Variants in SAP30BP observed in about 807,000 individuals in gnomAD.
SAP30BP encodes SAP30-binding protein.
SAP30BP carries 31 observed loss-of-function variants against 46.3 expected under a neutral mutation model. The ratio of observed to expected loss-of-function variants is 0.67; its 90% CI spans 0.50 to 0.90. SAP30BP has a LOEUF of 0.90. Ranked by LOEUF, SAP30BP falls within the 40% of genes least tolerant of loss-of-function variation. The pLI is 0.00. For missense variants in SAP30BP, 312 were observed against 391.0 expected (o/e 0.80, Z 1.70); for synonymous variants, 169 against 144.2 (o/e 1.17, Z -1.23).
chr17:75,686,465 G>A (rs1007455675), intron 3 of SAP30BP, among the ~76,000 whole-genome samples: 1 of 151,742 alleles, frequency 6.6e-6, no homozygotes, highest in East Asian at 1.9e-4. Context: ...GCAGTGAGCC[G>A]AGATTGCGCC....
Position 75,706,134 on chromosome 17 carries a change from G to T in SAP30BP, c.745+42G>T. 6.3e-7 allele frequency: 1 copy of T among 1,592,766 alleles called. No individual in the cohort carries two copies. On this transcript the variant is annotated intron_variant, in intron 10 of 10. Coordinates refer to ENST00000584667, the MANE Select transcript of SAP30BP (RefSeq NM_013260.8). This position sits in a 1 kb window ranked among gnomAD's most constrained non-coding sequence, Gnocchi z 4.6. ...CCCTGCCTCCTGCCACACACATGGA[G>T]CCAGGGTCTCCCTGGCTTGTTTGGG...
chr17:75,691,841 G>T lies in SAP30BP; in HGVS notation c.265-1599G>T, dbSNP rs1467289586. On this transcript the variant is annotated intron_variant, in intron 3 of 10. Transcript: ENST00000584667. ...ATGTGAGGGCATTTTACAGTCCCATGTATTGTTACTAACACTCTTGAACAC... is the reference window on the plus strand; with the variant it reads ...ATGTGAGGGCATTTTACAGTCCCATTTATTGTTACTAACACTCTTGAACAC... 2.4e-5 allele frequency: 6 copies of T among 247,746 alleles called. No homozygotes were observed. In the Admixed American group the frequency reaches 3.1e-4, roughly 13 times the overall value. The allele number at this position is 247,746 out of a possible 1,614,324, so 15.3% of individuals were successfully genotyped here.
rs756704284 is a variant in SAP30BP at position 75,706,320 on chromosome 17, G to A, written c.746-20G>A. 1.4e-5 allele frequency: 22 copies of A among 1,609,464 alleles called. No individual in the cohort carries two copies. The East Asian group carries it at 4.9e-4, about 36-fold the overall frequency. ...CCGCTCATTGGTGGATCGTGATCCT[G>A]ATTTCTGCTTTATCTCCAGATGCTC... On this transcript the variant is annotated intron_variant, in intron 10 of 10. Coordinates refer to ENST00000584667, the MANE Select transcript of SAP30BP (RefSeq NM_013260.8). This position sits in a 1 kb window ranked among gnomAD's most constrained non-coding sequence, Gnocchi z 4.6.
intron 2 of SAP30BP, 41 bp from the exon 3 acceptor site, chr17:75,671,775 C>G (rs774351699): frequency 6.4e-7 from 1 of 1,555,160 alleles, no homozygotes; most frequent in Non-Finnish European, 8.9e-7. Flanking sequence ...TCCTCAGGCC[C>G]GCTCCTTTAA....
At chr17:75,699,925 G>A (rs149676219) in intron 5 of SAP30BP, 54 bp downstream of exon 5, 30 of 1,338,034 alleles carry the variant, frequency 2.2e-5, no homozygotes, top group Middle Eastern at 1.8e-4. Flanking sequence ...CCTGGGTTAC[G>A]TGTTTGGTTT....
intron 3 of SAP30BP, among the ~76,000 whole-genome samples, chr17:75,682,889 G>C (rs1487898996): frequency 1.3e-5 from 2 of 150,618 alleles, no homozygotes; most frequent in Admixed American, 6.6e-5. Context: ...CTTGAAGCAG[G>C]GAGTCGGAGG....
intron 3 of SAP30BP, among the ~76,000 whole-genome samples, chr17:75,675,161 T>C (rs1437592732): frequency 8.5e-5 from 13 of 152,230 alleles, no homozygotes; most frequent in Non-Finnish European, 1.0e-4. Context: ...TGTTTTGTTT[T>C]GTTTTTGAGT....
chr17:75,705,045 T>C (rs1481824327), intron 9 of SAP30BP: 1 of 515,984 alleles, frequency 1.9e-6, no homozygotes, highest in Non-Finnish European at 3.5e-6. Flanking sequence ...TGCCCCCCTT[T>C]CCTCCCCGCC....
intron 4 of SAP30BP, among the ~76,000 whole-genome samples, chr17:75,698,155 CA>C (rs1253682663): frequency 2.0e-5 from 3 of 152,204 alleles, no homozygotes; most frequent in Non-Finnish European, 4.4e-5. Context: ...CGGGGTGGCC[CA>C]AGGCTGCGGG....
chr17:75,682,036 T>G (rs1443417924), intron 3 of SAP30BP, among the ~76,000 whole-genome samples: 1 of 151,584 alleles, frequency 6.6e-6, no homozygotes, highest in African/African-American at 2.4e-5. Flanking sequence ...AGCTTGGACT[T>G]TTTTTTTAAT....
chr17:75,682,729 C>A (rs2060097171), intron 3 of SAP30BP, among the ~76,000 whole-genome samples: 1 of 151,704 alleles, frequency 6.6e-6, no homozygotes, highest in East Asian at 2.0e-4. Flanking sequence ...TTTGGGAGGC[C>A]AAGGCGGGCG....
intron 3 of SAP30BP, among the ~76,000 whole-genome samples, chr17:75,688,195 G>C (rs1353078881): frequency 1.3e-5 from 2 of 152,182 alleles, no homozygotes; most frequent in Non-Finnish European, 2.9e-5. Context: ...TGCAGAAAGG[G>C]GAGGAAGAGG....
rs150948777 is a variant in SAP30BP, at chr17:75,681,222, C to A, written c.264+9359C>A. ...CAGTTTTGTTAAATATCCTGTGGCA[C>A]CTTTGTGAGTTTGCTGGGTTACCCC... On this transcript the variant is annotated intron_variant, in intron 3 of 10. Coordinates refer to ENST00000584667, the MANE Select transcript of SAP30BP (RefSeq NM_013260.8). Among the ~76,000 whole-genome samples the A allele has an allele frequency of 5.4e-3, 817 of 152,216 alleles. 3 individuals are homozygous for A. Among genetic ancestry groups the A allele is most frequent in the Non-Finnish European group, 8.6e-3 (582 of 68,014 alleles).
At chr17:75,692,453 G>T (rs998690827) in intron 3 of SAP30BP, 17 of 985,334 alleles carry the variant, frequency 1.7e-5, no homozygotes, top group Non-Finnish European at 1.4e-5. Flanking sequence ...TGATGAGCAC[G>T]TGTGGCCCTT....
rs774351699 is a variant in SAP30BP at position 75,671,775 on chromosome 17, C to T, written c.217-41C>T. The T allele has an allele frequency of 2.3e-5, 35 of 1,555,040 alleles. No individual in the cohort carries two copies. The East Asian group carries it at 2.5e-4, about 11-fold the overall frequency. ...TTATGCATGTGAGACTCCTCAGGCC[C>T]GCTCCTTTAAGCTTAATCCTCTAAA... On this transcript the variant is annotated intron_variant, in intron 2 of 10. Coordinates refer to ENST00000584667, the MANE Select transcript of SAP30BP (RefSeq NM_013260.8).
At chr17:75,667,535 A>G in intron 1 of SAP30BP, 57 bp downstream of exon 1, 4 of 1,500,604 alleles carry the variant, frequency 2.7e-6, no homozygotes, top group Non-Finnish European at 3.7e-6. Flanking sequence ...GGAATGCTGT[A>G]CCCTCGCTGG....
intron 4 of SAP30BP, among the ~76,000 whole-genome samples, chr17:75,695,175 C>G (rs2060298958): frequency 6.6e-6 from 1 of 152,212 alleles, no homozygotes; most frequent in South Asian, 2.1e-4. Context: ...CCTACTGACA[C>G]TTAGGGCTGG....
chr17:75,692,146 A>T, intron 3 of SAP30BP: 1 of 808,618 alleles, frequency 1.2e-6, no homozygotes, highest in Non-Finnish European at 1.5e-6. Flanking sequence ...GAATAGCTGC[A>T]GTGTTCTGAG....
At chr17:75,668,377 T>G (rs2059841037) in intron 1 of SAP30BP, 139 bp from the exon 2 acceptor site, 1 of 561,652 alleles carries the variant, frequency 1.8e-6, no homozygotes, top group Non-Finnish European at 3.1e-6. Flanking sequence ...CTATTGTAAC[T>G]TAACATGAGA....
Sources: allele counts gnomAD v4.1 joint callset (sites outside exome capture counted in the v4.1 genomes callset), GRCh38; gene constraint gnomAD v4.1.1; non-coding constraint Gnocchi (gnomAD v3.1); transcripts MANE v1.5; gene names NCBI Gene and HGNC (gene_info 2026-07-23, HGNC 2026-07-21).